PPIL2: variants seen among roughly 807,000 people sequenced by gnomAD.
PPIL2 encodes peptidylprolyl isomerase like 2.
PPIL2 carries 50 observed loss-of-function variants against 75.2 expected under a neutral mutation model. The observed-to-expected ratio is 0.66, with a 90% CI of 0.53 to 0.84. The LOEUF (loss-of-function observed/expected upper bound fraction) is 0.84, where lower values mean the gene tolerates loss of function less well. Among genes scored for constraint, PPIL2 ranks in the 40% least tolerant of loss-of-function variants. PPIL2 has a pLI of 0.00. For missense variants in PPIL2, 590 were observed against 685.0 expected, an observed-to-expected ratio of 0.86 and a Z score of 1.55; for synonymous variants, 245 against 258.8, an observed-to-expected ratio of 0.95 and a Z score of 0.51.
chr22:21,688,030 G>A lies in PPIL2; in HGVS notation c.988-43G>A, dbSNP rs201988286. On this transcript the variant is annotated intron_variant, in intron 13 of 19. Coordinates refer to ENST00000398831, the MANE Select transcript of PPIL2 (RefSeq NM_014337.4). ...TTCAGTCAGGCAGGCGGTGGGCCTCGGGTCTCAGAGTGTGACTTGCTCACT... is the reference window on the plus strand; with the variant it reads ...TTCAGTCAGGCAGGCGGTGGGCCTCAGGTCTCAGAGTGTGACTTGCTCACT... 1.5e-5 allele frequency: 25 copies of A among 1,613,810 alleles called. No homozygotes were observed. The Admixed American group carries it at 2.5e-4, about 16-fold the overall frequency.
chr22:21,666,041 T>C lies in PPIL2; in HGVS notation c.-59T>C. On this transcript the variant is annotated 5_prime_UTR_variant, in exon 1 of 20. An upstream start codon of the reference 5' UTR is lost. Coordinates refer to ENST00000398831, the MANE Select transcript of PPIL2 (RefSeq NM_014337.4). ...GTCACGGAACTCGGCTGCGGCTCCA[T>C]GGTCTGAGTTGTCAGCCGTTGTTTT... The C allele has an allele frequency of 1.3e-6, 2 of 1,588,974 alleles. No homozygotes were observed. The highest frequency in any genetic ancestry group is 1.7e-6 in the Non-Finnish European group (2 of 1,165,130).
chr22:21,682,472 C>G lies in PPIL2; in HGVS notation c.423C>G (p.Phe141Leu), dbSNP rs763794323. The change falls in exon 8 of 20, where the codon TTC (phenylalanine) becomes TTG (leucine). Residue 141 changes from phenylalanine to leucine, a missense_variant. Physicochemically the swap from Phe to Leu is conservative, Grantham distance 22. Coordinates refer to ENST00000398831, the MANE Select transcript of PPIL2 (RefSeq NM_014337.4). ...VEQLNIKAKN[F>L]RDLLTDEPFS... ...AGCTAAATATCAAGGCCAAGAACTT[C>G]CGGGACCTGCTGACCGACGAGCCCT... 3.7e-6 allele frequency: 6 copies of G among 1,613,982 alleles called. No individual in the cohort carries two copies. The South Asian group carries it at 4.4e-5, about 12-fold the overall frequency.
chr22:21,685,619 T>C, intron 10 of PPIL2: 2 of 451,944 alleles, frequency 4.4e-6, no homozygotes, highest in Non-Finnish European at 8.8e-6. Flanking sequence ...TATTACTTTT[T>C]TTTTTCTTTT....
rs2067941310 is a variant in PPIL2 at position 21,696,579 on chromosome 22, C to T, written c.*1089C>T. 3 of 1,431,736 alleles carry T rather than the reference C, an allele frequency of 2.1e-6. No individual in the cohort carries two copies. The South Asian group carries it at 4.4e-5, about 21-fold the overall frequency. 88.7% of individuals were successfully genotyped at this position (1,431,736 alleles called of 1,614,324 possible). A position where few individuals can be genotyped will look rare whatever the true frequency, so the allele number is the denominator to read the frequency against. On this transcript the variant is annotated 3_prime_UTR_variant, in exon 20 of 20. Coordinates refer to ENST00000398831, the MANE Select transcript of PPIL2 (RefSeq NM_014337.4). ...CTTTTTCTTCGTCTTCAGCCCAGGCCAGTGGTCAGTGTTCTCATGTCATGG... is the reference window on the plus strand; with the variant it reads ...CTTTTTCTTCGTCTTCAGCCCAGGCTAGTGGTCAGTGTTCTCATGTCATGG...
intron 15 of PPIL2, among the ~76,000 whole-genome samples, chr22:21,690,391 A>G (rs1011541466): frequency 1.6e-4 from 24 of 151,906 alleles, no homozygotes; most frequent in Non-Finnish European, 3.2e-4. Context: ...GGAAAAAAAA[A>G]AAAAAATCAA....
intron 4 of PPIL2, among the ~76,000 whole-genome samples, chr22:21,671,928 T>G (rs1424067238): frequency 6.6e-6 from 1 of 152,056 alleles, no homozygotes; most frequent in Non-Finnish European, 1.5e-5. Flanking sequence ...GGTGTGCACC[T>G]GTAGTCCCAG....
At chr22:21,687,048 C>A in intron 12 of PPIL2, 50 bp downstream of exon 12, 1 of 1,504,656 alleles carries the variant, frequency 6.6e-7, no homozygotes, top group Non-Finnish European at 9.2e-7. Context: ...ATCTCTGGGT[C>A]ATCTGACAGC....
At chr22:21,677,643 A>G (rs1032961014) in intron 6 of PPIL2, among the ~76,000 whole-genome samples, 14 of 152,154 alleles carry the variant, frequency 9.2e-5, no homozygotes, top group Non-Finnish European at 2.1e-4. Context: ...CCGAGATGGC[A>G]GCAGTACAGT....
At chr22:21,681,477 C>T (rs1415997864) in intron 7 of PPIL2, 87 bp downstream of exon 7, 19 of 1,199,184 alleles carry the variant, frequency 1.6e-5, no homozygotes, top group East Asian at 4.8e-5. Context: ...CTGTGTGCTA[C>T]GTGTACGGCC....
At chr22:21,666,680 G>A (rs1462948828) in intron 1 of PPIL2, among the ~76,000 whole-genome samples, 1 of 152,084 alleles carries the variant, frequency 6.6e-6, no homozygotes, top group South Asian at 2.1e-4. Context: ...GTGGTGACGG[G>A]CGCCTGTAAT....
At chr22:21,689,570 C>T (rs1239541642) in intron 15 of PPIL2, among the ~76,000 whole-genome samples, 1 of 151,906 alleles carries the variant, frequency 6.6e-6, no homozygotes, top group East Asian at 1.9e-4. Context: ...AACAAATTAT[C>T]TTATAATTCA....
Position 21,686,485 on chromosome 22 carries a change from C to T in PPIL2, c.717C>T (p.Ala239=), listed in dbSNP as rs2067367242. ...TGCCACCCTGGTTTCCTTGGCAGGC[C>T]CACTATTCCACAGGGAAGGTCAGCG... ...EKKKVDKLNA[A]HYSTGKVSAS... Residue 239 remains alanine (A), a splice_region_variant and synonymous_variant, in exon 11 of 20, where the codon GCC becomes GCT. Transcript: ENST00000398831. 3 of 1,613,982 alleles carry T rather than the reference C, an allele frequency of 1.9e-6. No homozygotes were observed. Among genetic ancestry groups the T allele is most frequent in the Non-Finnish European group, 2.5e-6 (3 of 1,179,982 alleles).
intron 1 of PPIL2, 55 bp from the exon 2 acceptor site, chr22:21,669,858 C>T: frequency 6.5e-7 from 1 of 1,539,222 alleles, no homozygotes; most frequent in South Asian, 1.1e-5. Context: ...CTTCCAAAGA[C>T]TTCGTCCTCT....
In PPIL2 at chr22:21,669,917, A is replaced by G. The variant is rs1488562118; in HGVS notation, c.37A>G (p.Ile13Val). 9 of 1,613,800 alleles carry G rather than the reference A, an allele frequency of 5.6e-6. No individual in the cohort carries two copies. The highest frequency in any genetic ancestry group is 6.8e-6 in the Non-Finnish European group (8 of 1,179,692). The change falls in exon 2 of 20, where the codon ATT becomes GTT. Residue 13 changes from isoleucine to valine, a missense_variant. Coordinates refer to ENST00000398831, the MANE Select transcript of PPIL2 (RefSeq NM_014337.4). ...TTATCTTCCTCTCTTCTTCAGGTAC[A>G]TTACCTGTGCTGAATACACTCACTT... is the stretch of plus-strand genomic sequence containing the variant. ...KRQHQKDKMY[I>V]TCAEYTHFYG...
At chr22:21,681,484 G>C (rs1339561655) in intron 7 of PPIL2, 94 bp downstream of exon 7, 1 of 1,152,542 alleles carries the variant, frequency 8.7e-7, no homozygotes, top group African/African-American at 1.5e-5. Context: ...CTACGTGTAC[G>C]GCCTGTCCTC....
rs560101427 is a variant in PPIL2, at chr22:21,672,429, C to T, written c.243+48C>T. On this transcript the variant is annotated intron_variant, in intron 5 of 19. Transcript: ENST00000398831. ...CAGTGATGCTAGTGAATGCTATCCTCTCACTTCTCCTTTTGTTCTGGTGGT... is the reference window on the plus strand; with the variant it reads ...CAGTGATGCTAGTGAATGCTATCCTTTCACTTCTCCTTTTGTTCTGGTGGT... The T allele has an allele frequency of 6.9e-5, 105 of 1,523,310 alleles. 1 individual carries two copies. In the South Asian group the frequency reaches 1.1e-3, roughly 16 times the overall value. 94.4% of individuals were successfully genotyped at this position (1,523,310 alleles called of 1,614,324 possible).
chr22:21,695,521 G>T lies in PPIL2; in HGVS notation c.*31G>T. On this transcript the variant is annotated 3_prime_UTR_variant, in exon 20 of 20. Coordinates refer to ENST00000398831, the MANE Select transcript of PPIL2 (RefSeq NM_014337.4). The stretch of plus-strand genomic sequence containing the variant: ...GGTTGGCCGCTGTGGACCTTGGTGG[G>T]GTTGCAGGGCTGGGGGCCCATGTCC... The T allele has an allele frequency of 6.4e-7, 1 of 1,570,566 alleles. No individual in the cohort carries two copies. Among genetic ancestry groups the T allele is most frequent in the South Asian group, 1.2e-5 (1 of 85,984 alleles).
intron 4 of PPIL2, among the ~76,000 whole-genome samples, chr22:21,671,760 T>C (rs1298120578): frequency 6.6e-6 from 1 of 152,040 alleles, no homozygotes; most frequent in Non-Finnish European, 1.5e-5. Flanking sequence ...TACAGATGTA[T>C]CAACATTTAT....
At chr22:21,684,995 G>A (rs1212459546) in intron 10 of PPIL2, 82 bp downstream of exon 10, 12 of 1,523,420 alleles carry the variant, frequency 7.9e-6, no homozygotes, top group Non-Finnish European at 1.1e-5. Context: ...TCCTGGGAAA[G>A]GGGCTCATGG....
Sources: allele counts gnomAD v4.1 joint callset (sites outside exome capture counted in the v4.1 genomes callset), GRCh38; gene constraint gnomAD v4.1.1; transcripts MANE v1.5; gene names NCBI Gene and HGNC (gene_info 2026-07-23, HGNC 2026-07-21).